The following DOCK1 variants were observed in gnomAD, a reference collection of about 807,000 sequenced individuals.
The protein encoded by DOCK1 is dedicator of cytokinesis 1.
A neutral mutation model predicts 262.7 loss-of-function variants in DOCK1; 138 were observed. The observed-to-expected ratio is 0.53, with a 90% CI of 0.46 to 0.61. The LOEUF (loss-of-function observed/expected upper bound fraction) is 0.61, where lower values mean the gene tolerates loss of function less well. DOCK1 is among the 20% of genes least tolerant of loss of function. The probability of loss-of-function intolerance (pLI) is 0.00; values close to 1 mark genes in which losing one functional copy is unlikely to be tolerated. For synonymous variants in DOCK1, 866 were observed against 867.4 expected (o/e 1.00, Z 0.03); for missense variants, 1,908 against 2,370.7 (o/e 0.80, Z 4.05).
chr10:127,254,441 C>T lies in DOCK1; in HGVS notation c.2950-2894C>T, dbSNP rs554926310. 1.1e-3 allele frequency among the ~76,000 whole-genome samples: 173 copies of T among 152,272 alleles called. 1 individual carries two copies. The highest frequency in any genetic ancestry group is 4.0e-3 in the African/African-American group (168 of 41,554). ...GCTCAACTCCTTGGCAAGAGTGTTT[C>T]AGCATTGCTGTCGAAAGCTTCCTGC... On this transcript the variant is annotated intron_variant, in intron 28 of 51. Coordinates refer to ENST00000623213, the MANE Select transcript of DOCK1 (RefSeq NM_001290223.2).
chr10:127,018,581 T>A, intron 12 of DOCK1, 129 bp from the exon 13 acceptor site: 1 of 1,455,864 alleles, frequency 6.9e-7, no homozygotes, highest in South Asian at 1.2e-5. Flanking sequence ...CTTTCTCATA[T>A]ACCCACCTTT....
Position 127,189,119 on chromosome 10 carries a change from G to A in DOCK1, c.2848-58889G>A, listed in dbSNP as rs531834661. Among the ~76,000 whole-genome samples the A allele has an allele frequency of 2.6e-5, 4 of 152,304 alleles. No individual in the cohort carries two copies. The South Asian group carries it at 8.3e-4, about 32-fold the overall frequency. On this transcript the variant is annotated intron_variant, in intron 27 of 51. Coordinates refer to ENST00000623213, the MANE Select transcript of DOCK1 (RefSeq NM_001290223.2). ...GTGCATGTGGATGACACTGGATGCA[G>A]GACCTACGAGACACAAGCTTGAGAA... is the stretch of plus-strand genomic sequence containing the variant.
rs571712212 is a variant in DOCK1 at position 127,181,195 on chromosome 10, C to T, written c.2847+53431C>T. On this transcript the variant is annotated intron_variant, in intron 27 of 51. Coordinates refer to ENST00000623213, the MANE Select transcript of DOCK1 (RefSeq NM_001290223.2). ...GTATGTATATATGCATAGGTATATACGTGCCTGCGTATGTATTTGGCTATG... is the reference window on the plus strand; with the variant it reads ...GTATGTATATATGCATAGGTATATATGTGCCTGCGTATGTATTTGGCTATG... Among the ~76,000 whole-genome samples the T allele has an allele frequency of 3.6e-3, 541 of 152,256 alleles. 4 individuals are homozygous for T. Among genetic ancestry groups the T allele is most frequent in the African/African-American group, 0.012 (509 of 41,544 alleles).
chr10:127,168,632 C>T (rs753242373), intron 27 of DOCK1, among the ~76,000 whole-genome samples: 11 of 152,206 alleles, frequency 7.2e-5, no homozygotes, highest in Non-Finnish European at 1.3e-4. Context: ...ACTTTGATCT[C>T]TATTAAGTGG....
At chr10:126,973,097 G>C (rs1848795039) in intron 2 of DOCK1, among the ~76,000 whole-genome samples, 1 of 151,994 alleles carries the variant, frequency 6.6e-6, no homozygotes, top group African/African-American at 2.4e-5. Context: ...CCGGTCAGTT[G>C]AAGTTGAAAT....
intron 27 of DOCK1, among the ~76,000 whole-genome samples, chr10:127,161,974 T>C (rs944775298): frequency 6.6e-6 from 1 of 152,246 alleles, no homozygotes; most frequent in African/African-American, 2.4e-5. Context: ...TCTGGAAAAC[T>C]GTCTCCCATG....
At chr10:126,964,968 G>A (rs1235624179) in intron 1 of DOCK1, among the ~76,000 whole-genome samples, 1 of 152,206 alleles carries the variant, frequency 6.6e-6, no homozygotes, top group East Asian at 1.9e-4. Context: ...TTTGGGATCT[G>A]GTTAAATTCA....
chr10:127,061,823 T>C, intron 23 of DOCK1, 47 bp downstream of exon 23: 1 of 1,461,674 alleles, frequency 6.8e-7, no homozygotes, highest in Non-Finnish European at 9.3e-7. Flanking sequence ...CTTTTTTTCT[T>C]TCATTATCTC....
At chr10:127,144,818 A>G (rs2051638686) in intron 27 of DOCK1, among the ~76,000 whole-genome samples, 1 of 152,180 alleles carries the variant, frequency 6.6e-6, no homozygotes, top group African/African-American at 2.4e-5. Flanking sequence ...TAGGTGCATT[A>G]ATCAATGTTT....
chr10:127,076,279 A>G (rs1312512078), intron 23 of DOCK1, among the ~76,000 whole-genome samples: 1 of 152,222 alleles, frequency 6.6e-6, no homozygotes, highest in South Asian at 2.1e-4. Flanking sequence ...AGGTGGGCGG[A>G]TCACAAGGTC....
intron 38 of DOCK1, chr10:127,402,623 G>C (rs1204264474): frequency 5.9e-6 from 3 of 511,128 alleles, no homozygotes; most frequent in Admixed American, 5.8e-5. Flanking sequence ...TTTTTAGGTG[G>C]ACAGCTTGGG....
intron 3 of DOCK1, 118 bp downstream of exon 3, chr10:126,978,106 TA>T (rs1016600465): frequency 8.3e-6 from 8 of 959,274 alleles, no homozygotes; most frequent in Non-Finnish European, 1.3e-5. Context: ...TCTCTGAATT[TA>T]AAAAAATATA....
intron 36 of DOCK1, among the ~76,000 whole-genome samples, chr10:127,380,348 GC>G (rs1408974104): frequency 1.3e-5 from 2 of 152,016 alleles, no homozygotes; most frequent in African/African-American, 2.4e-5. Flanking sequence ...CAACTCAAAA[GC>G]AAAACTACAA....
chr10:127,439,471 G>A lies in DOCK1; in HGVS notation c.5259+246G>A, dbSNP rs147991308. ...CCCCTTCCGCAGGGCCTGGGGCGAG[G>A]CCGCTCTGCTGCTAGGCTCTGCCGC... On this transcript the variant is annotated intron_variant, in intron 49 of 51. Coordinates refer to ENST00000623213, the MANE Select transcript of DOCK1 (RefSeq NM_001290223.2). Among the ~76,000 whole-genome samples, 13 of 152,190 alleles carry A rather than the reference G, an allele frequency of 8.5e-5. No homozygotes were observed. The East Asian group carries it at 2.5e-3, about 29-fold the overall frequency.
chr10:127,417,242 C>A (rs60132360), intron 44 of DOCK1, among the ~76,000 whole-genome samples: 14 of 152,076 alleles, frequency 9.2e-5, no homozygotes, highest in African/African-American at 3.4e-4. Flanking sequence ...TCCCCGTGGC[C>A]CAGTGTGAGG....
intron 30 of DOCK1, among the ~76,000 whole-genome samples, chr10:127,340,933 A>G (rs1565005911): frequency 6.6e-6 from 1 of 152,204 alleles, no homozygotes; most frequent in African/African-American, 2.4e-5. Flanking sequence ...GGCTTATCAT[A>G]TAGAAATATT....
intron 13 of DOCK1, among the ~76,000 whole-genome samples, chr10:127,019,770 A>G (rs2042281776): frequency 6.6e-6 from 1 of 152,090 alleles, no homozygotes; most frequent in African/African-American, 2.4e-5. Flanking sequence ...AACTTGAACC[A>G]CGTGAGGCTC....
intron 43 of DOCK1, among the ~76,000 whole-genome samples, chr10:127,411,285 C>T (rs763475913): frequency 5.9e-5 from 9 of 152,038 alleles, no homozygotes; most frequent in Admixed American, 1.3e-4. Context: ...GGGGTGCTGA[C>T]GTGGCTTTCT....
chr10:127,024,862 T>C, intron 15 of DOCK1, 79 bp downstream of exon 15: 1 of 1,279,442 alleles, frequency 7.8e-7, no homozygotes, highest in Non-Finnish European at 1.1e-6. Context: ...CATCCTAACA[T>C]CCTCCTCAGC....
Sources: allele counts gnomAD v4.1 joint callset (sites outside exome capture counted in the v4.1 genomes callset), GRCh38; gene constraint gnomAD v4.1.1; transcripts MANE v1.5; gene names NCBI Gene and HGNC (gene_info 2026-07-23, HGNC 2026-07-21).